Variants in ATP11B observed in about 807,000 individuals in gnomAD.
ATP11B encodes the protein phospholipid-transporting ATPase IF.
A neutral mutation model predicts 157.8 loss-of-function variants in ATP11B; 81 were observed. That is an observed-to-expected ratio of 0.51 (90% CI 0.43 to 0.62). The LOEUF (loss-of-function observed/expected upper bound fraction) is 0.62. Ranked by LOEUF, ATP11B falls within the 20% of genes least tolerant of loss-of-function variation. The pLI is 0.00. For synonymous variants in ATP11B, 451 were observed against 469.4 expected, an observed-to-expected ratio of 0.96 and a Z score of 0.51; for missense variants, 1,165 against 1,402.2, an observed-to-expected ratio of 0.83 and a Z score of 2.70.
chr3:182,860,959 T>G (rs1476382211), intron 12 of ATP11B, among the ~76,000 whole-genome samples: 3 of 152,140 alleles, frequency 2.0e-5, no homozygotes, highest in Non-Finnish European at 2.9e-5. Context: ...TGCTATAATG[T>G]GATATATGCG....
At chr3:182,862,322 T>G (rs948651374) in intron 12 of ATP11B, among the ~76,000 whole-genome samples, 7 of 151,832 alleles carry the variant, frequency 4.6e-5, no homozygotes, top group African/African-American at 1.5e-4. Flanking sequence ...AATATGCTTA[T>G]CAGAAGCTAT....
Position 182,828,215 on chromosome 3 carries a change from C to A in ATP11B, c.234+6C>A. ...TTATTATATTTTTGGTTCAGGTAAG[C>A]TTTATTACTCAATCTTAAGTTTGTA... is the stretch of plus-strand genomic sequence containing the variant. On this transcript the variant is annotated splice_donor_region_variant and intron_variant, in intron 3 of 29. Coordinates refer to ENST00000323116, the MANE Select transcript of ATP11B (RefSeq NM_014616.3). The A allele has an allele frequency of 1.5e-6, 2 of 1,292,210 alleles. No homozygotes were observed. The highest frequency in any genetic ancestry group is 2.1e-6 in the Non-Finnish European group (2 of 933,178). 80.0% of individuals were successfully genotyped at this position (1,292,210 alleles called of 1,614,324 possible).
intron 15 of ATP11B, 117 bp from the exon 16 acceptor site, chr3:182,868,961 A>G: frequency 1.6e-6 from 1 of 619,116 alleles, no homozygotes; most frequent in South Asian, 2.4e-5. Context: ...TGAAAATGGT[A>G]TTAATTCTTG....
chr3:182,825,987 A>G (rs964213652), intron 2 of ATP11B, among the ~76,000 whole-genome samples: 6 of 152,240 alleles, frequency 3.9e-5, no homozygotes, highest in African/African-American at 1.2e-4. Context: ...GGTCAATTAT[A>G]AAGTCATATA....
At position 182,867,429 on chromosome 3, in the gene ATP11B, T is replaced by C. The variant is rs1353231828; in HGVS notation, c.1673T>C (p.Leu558Pro). ...NSEETMEVKTLGKLERYKLLH... is the reference protein window; with the variant it reads ...NSEETMEVKTPGKLERYKLLH... The stretch of plus-strand genomic sequence containing the variant: ...GAAGAAACTATGGAGGTTAAAACTC[T>C]TGGAAAACTGGAACGGTAATTTTTT... The change falls in exon 15 of 30, where the codon CTT becomes CCT. Residue 558 changes from leucine to proline, a missense_variant. Physicochemically the swap from Leu to Pro is moderately conservative, Grantham distance 98 (BLOSUM62 -3). Transcript: ENST00000323116. 2.5e-6 allele frequency: 4 copies of C among 1,607,760 alleles called. No individual in the cohort carries two copies. Among genetic ancestry groups the C allele is most frequent in the Non-Finnish European group, 2.6e-6 (3 of 1,174,568 alleles).
chr3:182,912,236 T>G (rs1724844608), intron 28 of ATP11B, among the ~76,000 whole-genome samples: 1 of 152,138 alleles, frequency 6.6e-6, no homozygotes, highest in South Asian at 2.1e-4. Context: ...CCTCTGAATA[T>G]GAATGATCCT....
At chr3:182,818,562 A>G (rs1265298728) in intron 1 of ATP11B, among the ~76,000 whole-genome samples, 1 of 152,226 alleles carries the variant, frequency 6.6e-6, no homozygotes, top group Non-Finnish European at 1.5e-5. Flanking sequence ...GATGCATACA[A>G]ATGCATTTGT....
At chr3:182,836,981 T>A (rs1482928775) in intron 6 of ATP11B, 90 bp from the exon 7 acceptor site, 1 of 854,080 alleles carries the variant, frequency 1.2e-6, no homozygotes, top group Admixed American at 2.2e-5. Context: ...AGTATGCCAT[T>A]ACTTTACCTA....
At chr3:182,846,091 A>T (rs560825123) in intron 9 of ATP11B, among the ~76,000 whole-genome samples, 57 of 152,308 alleles carry the variant, frequency 3.7e-4, no homozygotes, top group African/African-American at 1.3e-3. Flanking sequence ...AGTCAACTAT[A>T]AGCAAATTGT....
At chr3:182,851,919 A>G (rs911646793) in intron 10 of ATP11B, among the ~76,000 whole-genome samples, 4 of 152,222 alleles carry the variant, frequency 2.6e-5, no homozygotes, top group African/African-American at 9.6e-5. Context: ...TTTACATACA[A>G]AGATATAAAT....
intron 1 of ATP11B, among the ~76,000 whole-genome samples, chr3:182,810,056 C>T (rs2108489994): frequency 6.6e-6 from 1 of 152,184 alleles, no homozygotes; most frequent in Non-Finnish European, 1.5e-5. Flanking sequence ...TTTAAAAATA[C>T]ATTTTCAGCC....
intron 1 of ATP11B, among the ~76,000 whole-genome samples, chr3:182,795,888 A>G (rs1170478715): frequency 2.6e-5 from 4 of 152,230 alleles, no homozygotes; most frequent in Non-Finnish European, 5.9e-5. Context: ...ACTTTCAGCA[A>G]TGGGTTTATT....
At chr3:182,914,902 G>A (rs776044830) in intron 29 of ATP11B, 13 of 985,224 alleles carry the variant, frequency 1.3e-5, no homozygotes, top group Non-Finnish European at 1.4e-5. Context: ...AGCAGTACAC[G>A]GTATGCATGG....
Position 182,887,622 on chromosome 3 carries a change from AT to A in ATP11B, c.2755del (p.Cys919ValfsTer8), listed in dbSNP as rs761028168. On this transcript the variant is annotated frameshift_variant, in exon 24 of 30. Transcript: ENST00000323116. LOFTEE classifies it high-confidence loss of function. ...YDSVYLTLYN[I>X]CFTSLPILIY... is the part of the protein sequence containing the mutation. ...CAGCGTGTACCTGACTTTATACAATATTTGTTTTACTTCCCTACCTATTCTG... is the reference window on the plus strand; with the variant it reads ...CAGCGTGTACCTGACTTTATACAATATTGTTTTACTTCCCTACCTATTCTG... 5.0e-6 allele frequency: 8 copies of A among 1,612,456 alleles called. No individual in the cohort carries two copies. Among genetic ancestry groups the A allele is most frequent in the Non-Finnish European group, 6.8e-6 (8 of 1,179,378 alleles).
At position 182,919,989 on chromosome 3, in the gene ATP11B, G is replaced by C. The variant is rs1272078635; in HGVS notation, c.*1885G>C. 1 of 152,212 alleles carries C rather than the reference G, an allele frequency of 6.6e-6. No individual in the cohort carries two copies. The highest frequency in any genetic ancestry group is 1.5e-5 in the Non-Finnish European group (1 of 68,030). 9.4% of individuals were successfully genotyped at this position (152,212 alleles called of 1,614,324 possible). A position where few individuals can be genotyped will look rare whatever the true frequency, so the allele number is the denominator to read the frequency against. On this transcript the variant is annotated 3_prime_UTR_variant, in exon 30 of 30. Transcript: ENST00000323116. ...GAAGATATACTCAGTAGAGTACTAG[G>C]TGGGAGGATATGGAAATTTGCTCAT... is the stretch of plus-strand genomic sequence containing the variant.
chr3:182,871,960 T>C (rs1232309376), intron 17 of ATP11B, among the ~76,000 whole-genome samples: 5 of 151,914 alleles, frequency 3.3e-5, no homozygotes, highest in African/African-American at 9.7e-5. Context: ...GGACTACAGG[T>C]GCCCGCCACT....
intron 8 of ATP11B, 48 bp from the exon 9 acceptor site, chr3:182,845,410 A>G (rs1315328182): frequency 1.5e-5 from 22 of 1,467,690 alleles, no homozygotes; most frequent in Non-Finnish European, 1.9e-5. Flanking sequence ...AGAATTGAAG[A>G]GTTTTTAATA....
At position 182,867,266 on chromosome 3, in the gene ATP11B, C is replaced by G. The variant is rs141140643; in HGVS notation, c.1620-110C>G. 1.3e-4 allele frequency: 90 copies of G among 713,772 alleles called. No individual in the cohort carries two copies. In the African/African-American group the frequency reaches 1.5e-3, roughly 12 times the overall value. The allele number at this position is 713,772 out of a possible 1,614,324, so 44.2% of individuals were successfully genotyped here. ...TATTAAAAGGAAATATTTTTAAATG[C>G]ATTTTGAACTTTGATTTTAAATGTT... On this transcript the variant is annotated intron_variant, in intron 14 of 29. Coordinates refer to ENST00000323116, the MANE Select transcript of ATP11B (RefSeq NM_014616.3).
intron 4 of ATP11B, among the ~76,000 whole-genome samples, chr3:182,831,086 T>C (rs1718101452): frequency 6.6e-6 from 1 of 152,226 alleles, no homozygotes; most frequent in East Asian, 1.9e-4. Context: ...ATCCTGAAAC[T>C]ATTCTTTGAA....
Sources: gnomAD v4.1 joint callset for allele counts (sites outside exome capture counted in the v4.1 genomes callset) on GRCh38, gnomAD v4.1.1 for gene constraint, MANE v1.5 for transcripts, NCBI Gene and HGNC (gene_info 2026-07-23, HGNC 2026-07-21) for gene names.